The following SYT1 variants were observed in gnomAD, a reference collection of about 807,000 sequenced individuals.
SYT1 encodes synaptotagmin-1.
In SYT1, 8 loss-of-function variants were observed where a neutral mutation model predicts 44.8. That is an observed-to-expected ratio of 0.18 (90% CI 0.10 to 0.32). The LOEUF (loss-of-function observed/expected upper bound fraction) is 0.32, where lower values mean the gene tolerates loss of function less well. Among genes scored for constraint, SYT1 ranks in the 10% least tolerant of loss-of-function variants. SYT1 has a pLI of 1.00. For synonymous variants in SYT1, 154 were observed against 188.8 expected (o/e 0.82, Z 1.51); for missense variants, 286 against 509.3 (o/e 0.56, Z 4.22).
intron 4 of SYT1, among the ~76,000 whole-genome samples, chr12:79,273,029 T>G (rs1199790648): frequency 6.6e-6 from 1 of 152,074 alleles, no homozygotes; most frequent in Non-Finnish European, 1.5e-5. Context: ...GAAAAGACAG[T>G]TTTTTACCCC....
chr12:79,350,597 C>T (rs1179713148), intron 8 of SYT1, among the ~76,000 whole-genome samples: 4 of 151,914 alleles, frequency 2.6e-5, no homozygotes, highest in Admixed American at 2.0e-4. Flanking sequence ...ACTTCAAGTC[C>T]CTCATCCTCC....
intron 1 of SYT1, among the ~76,000 whole-genome samples, chr12:78,917,792 G>A (rs1291003273): frequency 1.3e-5 from 2 of 151,848 alleles, no homozygotes; most frequent in Non-Finnish European, 2.9e-5. Flanking sequence ...ATTGGGCCTT[G>A]GACAGAACTA....
intron 2 of SYT1, among the ~76,000 whole-genome samples, chr12:79,007,124 A>T (rs1871144147): frequency 2.6e-5 from 4 of 152,156 alleles, no homozygotes; most frequent in Non-Finnish European, 5.9e-5. Context: ...CAGGCATGAC[A>T]GCCAGCCAGG....
intron 2 of SYT1, among the ~76,000 whole-genome samples, chr12:78,987,903 C>A (rs908008902): frequency 2.0e-5 from 3 of 152,064 alleles, no homozygotes; most frequent in African/African-American, 7.2e-5. Context: ...AGACCAGTAT[C>A]TCTCATGAAT....
rs1592881078 is a variant in SYT1 at position 79,234,768 on chromosome 12, T to C, written c.166+17083T>C. On this transcript the variant is annotated intron_variant, in intron 4 of 10. Transcript: ENST00000261205. ...GCTGTGTCACCAGGCTGGAGTGCAG[T>C]GGCGCAATCTTGGCTCACTGCAACC... 2.7e-5 allele frequency among the ~76,000 whole-genome samples: 4 copies of C among 149,028 alleles called. No individual in the cohort carries two copies. In the East Asian group the frequency reaches 7.9e-4, roughly 29 times the overall value.
chr12:79,152,876 T>TA (rs11334533), intron 3 of SYT1, among the ~76,000 whole-genome samples: 11,250 of 123,858 alleles, frequency 0.091, 471 homozygotes, highest in African/African-American at 0.12. Flanking sequence ...AAGAAAAATG[T>TA]AAAAAAAAAA....
intron 8 of SYT1, among the ~76,000 whole-genome samples, chr12:79,313,430 A>G (rs2138946203): frequency 6.6e-6 from 1 of 152,292 alleles, no homozygotes; most frequent in East Asian, 1.9e-4. Flanking sequence ...TCTTTTATAC[A>G]TTTGTAACAG....
chr12:78,888,300 C>T (rs1452618781), intron 1 of SYT1, among the ~76,000 whole-genome samples: 1 of 151,746 alleles, frequency 6.6e-6, no homozygotes, highest in African/African-American at 2.4e-5. Flanking sequence ...CATTTCCTCT[C>T]CTGGAAATCC....
chr12:79,273,269 C>T (rs948400712), intron 4 of SYT1, among the ~76,000 whole-genome samples: 7 of 151,910 alleles, frequency 4.6e-5, no homozygotes, highest in Non-Finnish European at 1.0e-4. Context: ...GTATGCACAA[C>T]ATCCAGCTAT....
chr12:79,281,295 G>A (rs990065167), intron 4 of SYT1, among the ~76,000 whole-genome samples: 5 of 151,850 alleles, frequency 3.3e-5, no homozygotes, highest in East Asian at 1.9e-4. Flanking sequence ...TGTCAGATAC[G>A]GATATAGAGA....
intron 3 of SYT1, among the ~76,000 whole-genome samples, chr12:79,135,742 T>A (rs1455751250): frequency 1.3e-5 from 2 of 152,040 alleles, no homozygotes; most frequent in African/African-American, 2.4e-5. Context: ...TTCAACTCCA[T>A]GCCTTTACTT....
At chr12:79,166,603 T>C (rs1871235899) in intron 3 of SYT1, among the ~76,000 whole-genome samples, 2 of 152,172 alleles carry the variant, frequency 1.3e-5, no homozygotes, top group East Asian at 1.9e-4. Context: ...AATGGTTCAA[T>C]AGCATCACAA....
intron 9 of SYT1, chr12:79,392,852 C>T (rs1003721331): frequency 3.5e-5 from 5 of 141,566 alleles, no homozygotes; most frequent in Admixed American, 7.6e-5. Context: ...ATGTGCACAA[C>T]GTGCAGTTTT....
At position 78,911,576 on chromosome 12, in the gene SYT1, A is replaced by C. The variant is rs149418783; in HGVS notation, c.-217+46467A>C. 5.1e-3 allele frequency among the ~76,000 whole-genome samples: 764 copies of C among 150,318 alleles called. 3 individuals are homozygous for C. The highest frequency in any genetic ancestry group is 0.017 in the South Asian group (80 of 4,788). On this transcript the variant is annotated intron_variant, in intron 1 of 10. Transcript: ENST00000261205. ...GAGAAGATGCTGTATCAAAAAAAAA[A>C]CAGTCTCCTTTGAGATCACCTAAAA...
chr12:78,914,440 C>T (rs1309920934), intron 1 of SYT1, among the ~76,000 whole-genome samples: 1 of 150,656 alleles, frequency 6.6e-6, no homozygotes, highest in Non-Finnish European at 1.5e-5. Context: ...AGCCACCAAG[C>T]AGTTTAATGC....
chr12:79,054,633 C>T (rs1462807647), intron 3 of SYT1, among the ~76,000 whole-genome samples: 1 of 151,866 alleles, frequency 6.6e-6, no homozygotes, highest in African/African-American at 2.4e-5. Flanking sequence ...CTTTATTCAA[C>T]AGCTGCTATT....
At chr12:79,166,742 A>C (rs1416228319) in intron 3 of SYT1, among the ~76,000 whole-genome samples, 2 of 152,052 alleles carry the variant, frequency 1.3e-5, no homozygotes, top group Non-Finnish European at 2.9e-5. Context: ...TGTGTATGAA[A>C]GACTCCAGAT....
At position 79,444,097 on chromosome 12, in the gene SYT1, T is replaced by C. The variant is rs764607878; in HGVS notation, c.953T>C (p.Met318Thr). The C allele has an allele frequency of 2.5e-6, 4 of 1,613,436 alleles. No homozygotes were observed. Among genetic ancestry groups the C allele is most frequent in the East Asian group, 2.2e-5 (1 of 44,846 alleles). Residue 318 changes from methionine (M) to threonine (T), a missense_variant, in exon 10 of 11, where the codon ATG (methionine) becomes ACG (threonine). By Grantham distance (81) the Met-to-Thr change is moderately conservative (BLOSUM62 -1). Around this residue, in one of 6 missense-constraint regions of SYT1, gnomAD observed 15 missense variants for 84.6 expected, o/e 0.18. Coordinates refer to ENST00000261205, the MANE Select transcript of SYT1 (RefSeq NM_005639.3). ...GATCCTTATGTGAAGATTCATCTGA[T>C]GCAGAATGGTAAGAGGCTGAAGAAG... The part of the protein sequence containing the change: ...LSDPYVKIHL[M>T]QNGKRLKKKK...
chr12:78,974,697 A>C (rs1592622653), intron 1 of SYT1, among the ~76,000 whole-genome samples: 1 of 151,932 alleles, frequency 6.6e-6, no homozygotes, highest in African/African-American at 2.4e-5. Flanking sequence ...CAGCCTCCCA[A>C]AGTGCTCGCA....
Sources: allele counts gnomAD v4.1 joint callset (sites outside exome capture counted in the v4.1 genomes callset), GRCh38; gene constraint gnomAD v4.1.1; regional missense constraint gnomAD v4.1.1; transcripts MANE v1.5; gene names NCBI Gene and HGNC (gene_info 2026-07-23, HGNC 2026-07-21).